LARP1: variants seen among roughly 807,000 people sequenced by gnomAD.
LARP1 encodes La ribonucleoprotein 1, translational regulator, also known as la-related protein 1.
A neutral mutation model predicts 122.7 loss-of-function variants in LARP1; 36 were observed. The ratio of observed to expected loss-of-function variants is 0.29; its 90% CI spans 0.22 to 0.39. The LOEUF (loss-of-function observed/expected upper bound fraction) is 0.39, where lower values mean the gene tolerates loss of function less well. LARP1 is among the 10% of genes least tolerant of loss of function. The pLI is 1.00. For missense variants in LARP1, 1,040 were observed against 1,403.6 expected (o/e 0.74, Z 4.14); for synonymous variants, 539 against 528.7 (o/e 1.02, Z -0.27).
intron 10 of LARP1, 112 bp downstream of exon 10, chr5:154,800,154 G>T: frequency 1.0e-6 from 1 of 953,820 alleles, no homozygotes; most frequent in East Asian, 2.6e-5. Flanking sequence ...AGGAAATCTG[G>T]GTAGTTCAGG....
At chr5:154,744,390 T>A (rs74651746) in intron 1 of LARP1, among the ~76,000 whole-genome samples, 18,919 of 152,090 alleles carry the variant, frequency 0.12, 1,432 homozygotes, top group African/African-American at 0.22. Context: ...GGCATTAGTT[T>A]GTGCAGGTAT....
intron 1 of LARP1, among the ~76,000 whole-genome samples, chr5:154,786,857 G>A (rs1561602914): frequency 6.6e-6 from 1 of 151,662 alleles, no homozygotes; most frequent in African/African-American, 2.4e-5. Flanking sequence ...TAGAACTATG[G>A]TCCCTTCATT....
At chr5:154,755,126 GC>G (rs1281682111), upstream of LARP1, among the ~76,000 whole-genome samples, 1 of 151,564 alleles carries the variant, frequency 6.6e-6, no homozygotes, top group Non-Finnish European at 1.5e-5. Context: ...TCCGGTCTGA[GC>G]GTCCCTACCC....
At chr5:154,777,535 C>T (rs919284732) in intron 1 of LARP1, among the ~76,000 whole-genome samples, 5 of 152,072 alleles carry the variant, frequency 3.3e-5, no homozygotes, top group African/African-American at 1.2e-4. Context: ...AGAAAAAGTA[C>T]TGTAAAAATA....
chr5:154,795,634 G>A (rs1757686892), intron 8 of LARP1, among the ~76,000 whole-genome samples: 1 of 151,582 alleles, frequency 6.6e-6, no homozygotes, highest in Non-Finnish European at 1.5e-5. Context: ...CTACATTGAA[G>A]AAAATCCTAG....
At chr5:154,770,385 G>A (rs1582352825) in intron 1 of LARP1, among the ~76,000 whole-genome samples, 1 of 152,242 alleles carries the variant, frequency 6.6e-6, no homozygotes, top group East Asian at 1.9e-4. Context: ...GGGTAGTTTA[G>A]GCAGGCATTT....
At chr5:154,729,450 A>G in intron 1 of LARP1, 1 of 389,376 alleles carries the variant, frequency 2.6e-6, no homozygotes, top group Non-Finnish European at 4.9e-6. Flanking sequence ...GCCTTGTTGT[A>G]AACAAACAAG....
chr5:154,692,730 T>G (rs1754282505), intron 1 of LARP1, among the ~76,000 whole-genome samples: 1 of 152,150 alleles, frequency 6.6e-6, no homozygotes, highest in Non-Finnish European at 1.5e-5. Flanking sequence ...CTTAAGTGCC[T>G]CCTGCCAACC....
At chr5:154,756,843 C>T (rs995845646) in intron 1 of LARP1, among the ~76,000 whole-genome samples, 19 of 152,232 alleles carry the variant, frequency 1.2e-4, no homozygotes, top group African/African-American at 4.6e-4. Flanking sequence ...ATCCCGGGCA[C>T]CTTCCGCCTT....
In LARP1 at chr5:154,755,949, C is replaced by T; in HGVS notation, c.192C>T (p.His64=). The change falls in exon 1 of 19, where the codon CAC becomes CAT. Residue 64 remains histidine (H), a synonymous_variant. Coordinates refer to ENST00000518297, the MANE Select transcript of LARP1 (RefSeq NM_033551.3). ...CCCGGCCGCCCTGCGCCAAGCCGCA[C>T]AAGGAGGGCACCGGGCAGCAGGAGC... ...RRPRPPCAKP[H]KEGTGQQERE... is the part of the protein sequence containing the mutation. 1 of 1,002,294 alleles carries T rather than the reference C, an allele frequency of 1.0e-6. No individual in the cohort carries two copies. The highest frequency in any genetic ancestry group is 1.2e-6 in the Non-Finnish European group (1 of 842,146). The allele number at this position is 1,002,294 out of a possible 1,614,324, so 62.1% of individuals were successfully genotyped here.
In LARP1 at chr5:154,687,134, G is replaced by A. The variant is rs191934164; in HGVS notation, c.-180+4097G>A. 2.0e-5 allele frequency among the ~76,000 whole-genome samples: 3 copies of A among 152,300 alleles called. No individual in the cohort carries two copies. The East Asian group carries it at 5.8e-4, about 29-fold the overall frequency. ...AAGGTTTCTGATTGCGGACACATAG[G>A]TGATATCTAACTTGCTTTTGTTTAG... On this transcript the variant is annotated intron_variant, in intron 1 of 18. Coordinates refer to the LARP1 transcript ENST00000687700.
chr5:154,782,237 A>G (rs958773716), intron 1 of LARP1, among the ~76,000 whole-genome samples: 7 of 152,248 alleles, frequency 4.6e-5, no homozygotes, highest in African/African-American at 1.7e-4. Flanking sequence ...TTTATGCAGT[A>G]AAAGGTGATT....
At chr5:154,690,538 C>T (rs1278926526) in intron 1 of LARP1, among the ~76,000 whole-genome samples, 1 of 152,204 alleles carries the variant, frequency 6.6e-6, no homozygotes, top group Non-Finnish European at 1.5e-5. Flanking sequence ...ATCTCAGGGT[C>T]GCACAGCTAG....
chr5:154,765,748 C>A (rs116498470), intron 1 of LARP1, among the ~76,000 whole-genome samples: 1 of 152,128 alleles, frequency 6.6e-6, no homozygotes, highest in African/African-American at 2.4e-5. Context: ...TACCTGATTA[C>A]GTTTGTATTC....
chr5:154,723,422 C>T (rs552275583), intron 1 of LARP1, among the ~76,000 whole-genome samples: 4 of 152,206 alleles, frequency 2.6e-5, no homozygotes, highest in East Asian at 1.9e-4. Context: ...TTTAGCCCCA[C>T]GGGTATCCAA....
intron 1 of LARP1, among the ~76,000 whole-genome samples, chr5:154,722,807 A>G (rs1411077308): frequency 1.3e-5 from 2 of 151,076 alleles, no homozygotes; most frequent in Non-Finnish European, 2.9e-5. Flanking sequence ...CAGTCTCCTG[A>G]GTAGCTGGAA....
At position 154,793,817 on chromosome 5, in the gene LARP1, T is replaced by C. The variant is rs1757530658; in HGVS notation, c.886T>C (p.Tyr296His). 1.2e-6 allele frequency: 2 copies of C among 1,614,144 alleles called. No homozygotes were observed. Among genetic ancestry groups the C allele is most frequent in the Non-Finnish European group, 1.7e-6 (2 of 1,179,990 alleles). The change falls in exon 6 of 19, where the codon TAC becomes CAC. Residue 296 changes from tyrosine (Y) to histidine (H), a missense_variant. Transcript: ENST00000518297. The part of the protein sequence containing the change: ...GEIKGSESAT[Y>H]VPVAPPTPAW... ...CCCCATAGGGTCTGAGTCTGCCACC[T>C]ACGTGCCCGTGGCCCCCCCCACCCC...
intron 1 of LARP1, among the ~76,000 whole-genome samples, chr5:154,781,369 G>A (rs1329729316): frequency 3.9e-5 from 6 of 152,172 alleles, no homozygotes; most frequent in South Asian, 4.1e-4. Flanking sequence ...CGAGGCGGGC[G>A]GATCACGAGT....
In LARP1 at chr5:154,747,117, G is replaced by A. The variant is rs1042077140; in HGVS notation, c.205+33987G>A. 4.6e-5 allele frequency among the ~76,000 whole-genome samples: 7 copies of A among 151,788 alleles called. No individual in the cohort carries two copies. In the South Asian group the frequency reaches 8.3e-4, roughly 18 times the overall value. ...TGCACTCCAGCCTGGGCGACAGGGC[G>A]AGACTCTGTCTCAAAACAAGCAAAC... On this transcript the variant is annotated intron_variant, in intron 1 of 18. Coordinates refer to the LARP1 transcript ENST00000336314.
Sources: gnomAD v4.1 joint callset for allele counts (sites outside exome capture counted in the v4.1 genomes callset) on GRCh38, gnomAD v4.1.1 for gene constraint, MANE v1.5 for transcripts, NCBI Gene and HGNC (gene_info 2026-07-23, HGNC 2026-07-21) for gene names.